The following SLCO1A2 variants were observed in gnomAD, a reference collection of about 807,000 sequenced individuals.
The protein encoded by SLCO1A2 is OATP-1.
In SLCO1A2, 67 loss-of-function variants were observed where a neutral mutation model predicts 69.0. The observed-to-expected ratio is 0.97, with a 90% confidence interval of 0.80 to 1.19. SLCO1A2 has a LOEUF of 1.19. Ranked by LOEUF, SLCO1A2 falls within the 50% of genes most tolerant of loss-of-function variation. The probability of loss-of-function intolerance (pLI) is 0.00; values close to 1 mark genes in which losing one functional copy is unlikely to be tolerated. For synonymous variants in SLCO1A2, 260 were observed against 265.9 expected, an observed-to-expected ratio of 0.98 and a Z score of 0.22; for missense variants, 787 against 793.7, an observed-to-expected ratio of 0.99 and a Z score of 0.10.
At chr12:21,338,350 T>C (rs1304294378), upstream of SLCO1A2, among the ~76,000 whole-genome samples, 1 of 151,914 alleles carries the variant, frequency 6.6e-6, no homozygotes, top group South Asian at 2.1e-4. Flanking sequence ...ATCTTGATAG[T>C]TGATCAAATT....
chr12:21,349,666 T>C (rs1281809769), intron 2 of SLCO1A2, among the ~76,000 whole-genome samples: 1 of 152,206 alleles, frequency 6.6e-6, no homozygotes, highest in African/African-American at 2.4e-5. Context: ...AAACTTCATT[T>C]TGAATCATTC....
chr12:21,367,242 G>C (rs1418056249), intron 2 of SLCO1A2, among the ~76,000 whole-genome samples: 1 of 152,108 alleles, frequency 6.6e-6, no homozygotes, highest in African/African-American at 2.4e-5. Flanking sequence ...AGAAACAAAA[G>C]GTCTCAGTCT....
intron 12 of SLCO1A2, among the ~76,000 whole-genome samples, chr12:21,281,465 G>C (rs988823298): frequency 6.7e-6 from 1 of 149,200 alleles, no homozygotes; most frequent in Non-Finnish European, 1.5e-5. Flanking sequence ...AAAAAGAAAA[G>C]AAAAAAAACC....
intron 1 of SLCO1A2, among the ~76,000 whole-genome samples, chr12:21,407,497 G>A (rs1281158953): frequency 6.6e-6 from 1 of 152,114 alleles, no homozygotes; most frequent in Admixed American, 6.6e-5. Context: ...GATCAAATTT[G>A]TGTTTTCAAA....
Position 21,297,405 on chromosome 12 carries a change from C to A in SLCO1A2, c.1074G>T (p.Met358Ile). 2 of 1,609,142 alleles carry A rather than the reference C, an allele frequency of 1.2e-6. No homozygotes were observed. Among genetic ancestry groups the A allele is most frequent in the East Asian group, 4.5e-5 (2 of 44,740 alleles). Residue 358 changes from methionine to isoleucine, a missense_variant and splice_region_variant, in exon 9 of 15, where the codon ATG becomes ATT. Physicochemically the swap from Met to Ile is conservative, Grantham distance 10 (BLOSUM62 1). Transcript: ENST00000683939. ...GISSSDAIFL[M>I]GIYNLPPICI... The stretch of plus-strand genomic sequence containing the variant: ...TAAGGCAGAGAAAAACAAACATACC[C>A]ATTAGAAAGATTGCATCTGAAGATG...
At chr12:21,274,736 CTT>C in intron 13 of SLCO1A2, 150 bp from the exon 14 acceptor site, 1 of 733,302 alleles carries the variant, frequency 1.4e-6, no homozygotes, top group Non-Finnish European at 2.1e-6. Flanking sequence ...TGATGAGTTA[CTT>C]TTACTGTAAA....
chr12:21,339,904 C>CA (rs1264685048), upstream of SLCO1A2, among the ~76,000 whole-genome samples: 1 of 151,798 alleles, frequency 6.6e-6, no homozygotes, highest in Non-Finnish European at 1.5e-5. Context: ...GGTGTGAGGC[C>CA]AGATAAACAA....
At chr12:21,408,628 T>A (rs773744227) in intron 1 of SLCO1A2, among the ~76,000 whole-genome samples, 1 of 152,102 alleles carries the variant, frequency 6.6e-6, no homozygotes, top group Non-Finnish European at 1.5e-5. Context: ...AAGATACTAG[T>A]CCTGTAAGCT....
intron 2 of SLCO1A2, among the ~76,000 whole-genome samples, chr12:21,340,521 G>A (rs547205073): frequency 7.9e-5 from 12 of 152,098 alleles, no homozygotes; most frequent in Admixed American, 2.0e-4. Flanking sequence ...ATTTGCCTCC[G>A]CATATATTTA....
At chr12:21,376,866 T>G (rs1286314898) in intron 1 of SLCO1A2, among the ~76,000 whole-genome samples, 2 of 152,118 alleles carry the variant, frequency 1.3e-5, no homozygotes, top group Non-Finnish European at 2.9e-5. Context: ...CCATTTACCC[T>G]AAGTTTCACC....
Position 21,304,408 on chromosome 12 carries a change from G to A in SLCO1A2, c.589+19C>T, listed in dbSNP as rs762322665. 1.3e-6 allele frequency: 2 copies of A among 1,582,318 alleles called. No individual in the cohort carries two copies. Among genetic ancestry groups the A allele is most frequent in the South Asian group, 1.1e-5 (1 of 89,648 alleles). ...ACATATTGCCCTGAAAAGAAGCTAA[G>A]GTAGATTTCCATACTTACCAATATA... On this transcript the variant is annotated intron_variant, in intron 6 of 14. Coordinates refer to ENST00000683939, the MANE Select transcript of SLCO1A2 (RefSeq NM_001386879.1).
chr12:21,300,361 A>G lies in SLCO1A2; in HGVS notation c.897T>C (p.Tyr299=), dbSNP rs962807849. The G allele has an allele frequency of 1.7e-5, 28 of 1,609,006 alleles. No individual in the cohort carries two copies. The highest frequency in any genetic ancestry group is 3.4e-5 in the Admixed American group (2 of 59,668). ...ATGTATATTTGCCTTTAGTGATTCCATATTTTTCCTTCTTGACCTCTTCTT... is the reference window on the plus strand; with the variant it reads ...ATGTATATTTGCCTTTAGTGATTCCGTATTTTTCCTTCTTGACCTCTTCTT... ...KQKEEVKKEK[Y]GITKDFLPFM... Residue 299 remains tyrosine, a synonymous_variant, in exon 8 of 15, where the codon TAT becomes TAC. Transcript: ENST00000683939.
At chr12:21,409,056 A>G (rs1941867463) in intron 1 of SLCO1A2, among the ~76,000 whole-genome samples, 1 of 152,212 alleles carries the variant, frequency 6.6e-6, no homozygotes, top group Non-Finnish European at 1.5e-5. Context: ...TCCCAAAGAA[A>G]ACTGAGAATC....
At chr12:21,339,514 G>T (rs2050456562), upstream of SLCO1A2, among the ~76,000 whole-genome samples, 1 of 151,924 alleles carries the variant, frequency 6.6e-6, no homozygotes, top group African/African-American at 2.4e-5. Context: ...AATGAAGACA[G>T]TCTCTATCTT....
intron 1 of SLCO1A2, among the ~76,000 whole-genome samples, chr12:21,413,235 TTC>T (rs1198119298): frequency 4.1e-5 from 4 of 98,236 alleles, no homozygotes; most frequent in Admixed American, 2.1e-4. Flanking sequence ...CTTTTTCTTT[TTC>T]TTTTTTTTTT....
chr12:21,399,920 A>C (rs2137186261), upstream of SLCO1A2, among the ~76,000 whole-genome samples: 1 of 151,896 alleles, frequency 6.6e-6, no homozygotes, highest in Non-Finnish European at 1.5e-5. Context: ...AACCATAAAA[A>C]CCCTAGAAGA....
intron 2 of SLCO1A2, among the ~76,000 whole-genome samples, chr12:21,366,179 GA>G (rs1173810687): frequency 6.6e-6 from 1 of 152,118 alleles, no homozygotes; most frequent in African/African-American, 2.4e-5. Flanking sequence ...ACTGGATTAA[GA>G]AAATGTGGCA....
At position 21,342,744 on chromosome 12, in the gene SLCO1A2, G is replaced by T. The variant is rs145055210; in HGVS notation, c.-62-8035C>A. The stretch of plus-strand genomic sequence containing the variant: ...GATCTAAAATTAAACATTTTAGATA[G>T]AATCATCTATTCATAAAAAATAAAA... On this transcript the variant is annotated intron_variant, in intron 2 of 15. Coordinates refer to the SLCO1A2 transcript ENST00000307378. Among the ~76,000 whole-genome samples the T allele has an allele frequency of 4.1e-4, 63 of 152,110 alleles. 1 individual carries two copies. The East Asian group carries it at 0.01, about 24-fold the overall frequency.
chr12:21,365,202 T>C (rs979740352), intron 2 of SLCO1A2, among the ~76,000 whole-genome samples: 3 of 152,108 alleles, frequency 2.0e-5, no homozygotes, highest in Admixed American at 1.3e-4. Flanking sequence ...AACAGAGATA[T>C]AGACCAATGG....
Sources: gnomAD v4.1 joint callset for allele counts (sites outside exome capture counted in the v4.1 genomes callset) on GRCh38, gnomAD v4.1.1 for gene constraint, MANE v1.5 for transcripts, NCBI Gene and HGNC (gene_info 2026-07-23, HGNC 2026-07-21) for gene names.